RYR1: variants seen among roughly 807,000 people sequenced by gnomAD.
RYR1 encodes the protein ryanodine receptor 1, also known as central core disease of muscle.
RYR1 carries 342 observed loss-of-function variants against 583.5 expected under a neutral mutation model. That is an observed-to-expected ratio of 0.59 (90% CI 0.54 to 0.64). RYR1 has a LOEUF of 0.64. Ranked by LOEUF, RYR1 falls within the 30% of genes least tolerant of loss-of-function variation. The pLI is 0.00. For missense variants in RYR1, 6,032 were observed against 6,917.2 expected (o/e 0.87, Z 4.54); for synonymous variants, 2,791 against 2,822.5 (o/e 0.99, Z 0.35).
At position 38,490,839 on chromosome 19, in the gene RYR1, GTAA is replaced by G. The variant is rs1489044003; in HGVS notation, c.6127+108_6127+110del. 9.4e-6 allele frequency: 7 copies of G among 748,640 alleles called. No homozygotes were observed. The Admixed American group carries it at 1.3e-4, about 14-fold the overall frequency. 46.4% of individuals were successfully genotyped at this position (748,640 alleles called of 1,614,324 possible). ...CAACCCTCTACAGTATCGGTGCTAT[GTAA>G]CTATTGGTTGAATGAATGAATGAGT... is the stretch of plus-strand genomic sequence containing the variant. On this transcript the variant is annotated intron_variant, in intron 37 of 105. Transcript: ENST00000359596.
intron 59 of RYR1, 25 bp downstream of exon 59, chr19:38,510,590 A>G: frequency 3.7e-6 from 6 of 1,614,148 alleles, no homozygotes; most frequent in Non-Finnish European, 5.1e-6. Flanking sequence ...TAGAAGCTGG[A>G]GGGCGCTGGG....
intron 90 of RYR1, among the ~76,000 whole-genome samples, chr19:38,563,329 G>A (rs1444348825): frequency 2.0e-5 from 3 of 152,160 alleles, no homozygotes; most frequent in South Asian, 2.1e-4. Context: ...GCAATGGCAC[G>A]ATCTCAGCTC....
rs1973939340 is a variant in RYR1 at position 38,575,954 on chromosome 19, A to AGCGCAAGGTGAGAGGACATGGAT, written c.14168_14172+18dup. On this transcript the variant is annotated frameshift_variant, in exon 97 of 106. Coordinates refer to ENST00000359596, the MANE Select transcript of RYR1 (RefSeq NM_000540.3). LOFTEE classifies it high-confidence loss of function. ...AGCAACTACTGGGACAAGTTTGTCA[A>AGCGCAAGGTGAGAGGACATGGAT]GCGCAAGGTGAGAGGACATGGATGC... The AGCGCAAGGTGAGAGGACATGGAT allele has an allele frequency of 3.1e-6, 5 of 1,614,048 alleles. No homozygotes were observed. Among genetic ancestry groups the AGCGCAAGGTGAGAGGACATGGAT allele is most frequent in the Admixed American group, 1.7e-5 (1 of 59,990 alleles).
At chr19:38,583,474 T>A (rs1293505387) in intron 101 of RYR1, among the ~76,000 whole-genome samples, 1 of 36,074 alleles carries the variant, frequency 2.8e-5, no homozygotes, top group East Asian at 6.1e-4. Context: ...CAAGACTCTG[T>A]CTCAAAAAAA....
chr19:38,570,764 C>A, intron 94 of RYR1, 71 bp downstream of exon 94: 2 of 1,296,224 alleles, frequency 1.5e-6, no homozygotes, highest in Non-Finnish European at 2.2e-6. Flanking sequence ...CAGCCCCTAT[C>A]AGAATTTCAG....
chr19:38,521,024 C>T (rs907370819), intron 67 of RYR1, among the ~76,000 whole-genome samples: 2 of 152,104 alleles, frequency 1.3e-5, no homozygotes, highest in Admixed American at 1.3e-4. Context: ...ACTGTAATCC[C>T]AGCACTTTGA....
intron 102 of RYR1, among the ~76,000 whole-genome samples, chr19:38,585,519 G>A (rs1331886725): frequency 6.6e-6 from 1 of 150,698 alleles, no homozygotes; most frequent in East Asian, 1.9e-4. Context: ...TGTTGCCCGG[G>A]CCAGAGTTCA....
Position 38,444,652 on chromosome 19 carries a change from C to G in RYR1, c.606C>G (p.Asn202Lys). 2 of 1,613,838 alleles carry G rather than the reference C, an allele frequency of 1.2e-6. No individual in the cohort carries two copies. Among genetic ancestry groups the G allele is most frequent in the Non-Finnish European group, 1.7e-6 (2 of 1,179,836 alleles). ...ASFMQTLWNM[N>K]PICSRCEEGF... ...TCATGCAGACACTATGGAACATGAA[C>G]CCCATCTGCTCCCGCTGCGAAGAGG... is the stretch of plus-strand genomic sequence containing the variant. The change falls in exon 7 of 106, where the codon AAC (asparagine) becomes AAG (lysine). Residue 202 changes from asparagine to lysine, a missense_variant. This residue lies in a region of RYR1 where 338 missense variants were observed against 441.6 expected (regional missense o/e 0.77). Transcript: ENST00000359596. This position sits in a 1 kb window ranked among gnomAD's most constrained non-coding sequence, Gnocchi z 5.1.
At chr19:38,552,464 G>C (rs1296410011) in intron 89 of RYR1, among the ~76,000 whole-genome samples, 1 of 151,882 alleles carries the variant, frequency 6.6e-6, no homozygotes, top group Non-Finnish European at 1.5e-5. Flanking sequence ...TGTTGGCCAA[G>C]GTGGTCTCGA....
intron 69 of RYR1, chr19:38,523,598 AT>A: frequency 1.8e-6 from 1 of 567,350 alleles, no homozygotes; most frequent in Non-Finnish European, 3.1e-6. Flanking sequence ...CCTCCTCTCC[AT>A]TTTCCTCTTC....
At chr19:38,450,855 C>T (rs1042011745) in intron 11 of RYR1, among the ~76,000 whole-genome samples, 3 of 152,292 alleles carry the variant, frequency 2.0e-5, no homozygotes, top group East Asian at 1.9e-4. Flanking sequence ...CCTTTTCTAT[C>T]GGCACATTCC....
chr19:38,453,077 G>T (rs1196560995), intron 13 of RYR1, 63 bp downstream of exon 13: 21 of 1,559,604 alleles, frequency 1.3e-5, no homozygotes, highest in Non-Finnish European at 1.7e-5. Flanking sequence ...ACTGAGGGGC[G>T]GGGCCACGGC....
intron 9 of RYR1, 124 bp from the exon 10 acceptor site, chr19:38,448,231 A>G: frequency 8.8e-7 from 1 of 1,131,064 alleles, no homozygotes; most frequent in Non-Finnish European, 1.3e-6. Flanking sequence ...CTGGAGTTCA[A>G]GATCAGCTTG....
intron 89 of RYR1, among the ~76,000 whole-genome samples, chr19:38,552,834 A>G (rs926045553): frequency 1.3e-5 from 2 of 152,164 alleles, no homozygotes; most frequent in African/African-American, 4.8e-5. Context: ...AGAAGCAAAA[A>G]GCATTTGCAG....
chr19:38,494,253 T>G, intron 38 of RYR1, 99 bp from the exon 39 acceptor site: 2 of 1,458,226 alleles, frequency 1.4e-6, no homozygotes, highest in Non-Finnish European at 9.5e-7. Context: ...TGGGAAAACT[T>G]CTGGAACAGG....
Position 38,496,111 on chromosome 19 carries a change from G to T in RYR1, c.6549-104G>T. The T allele has an allele frequency of 1.1e-6, 1 of 944,162 alleles. No individual in the cohort carries two copies. Among genetic ancestry groups the T allele is most frequent in the Non-Finnish European group, 1.7e-6 (1 of 591,834 alleles). 58.5% of individuals were successfully genotyped at this position (944,162 alleles called of 1,614,324 possible). ...AGATCTGTAAAGGCGGTGGTGCTAG[G>T]CACAGAGTGAGAGGGTCAAGAATGC... On this transcript the variant is annotated intron_variant, in intron 39 of 105. Transcript: ENST00000359596. The surrounding 1 kb of genome is among the most constrained non-coding windows in gnomAD (Gnocchi z 4.8).
rs1234488220 is a variant in RYR1 at position 38,506,516 on chromosome 19, C to A, written c.8662C>A (p.Arg2888=). The change falls in exon 56 of 106, where the codon CGG becomes AGG. Residue 2888 remains arginine, a synonymous_variant. Coordinates refer to ENST00000359596, the MANE Select transcript of RYR1 (RefSeq NM_000540.3). ...LAENYHNTWG[R]KKKQELEAKG... ...AGAAAATTACCACAACACGTGGGGA[C>A]GGAAGAAGAAGCAGGAGCTGGAAGC... 1.2e-6 allele frequency: 2 copies of A among 1,614,042 alleles called. No individual in the cohort carries two copies. Among genetic ancestry groups the A allele is most frequent in the Non-Finnish European group, 8.5e-7 (1 of 1,180,016 alleles).
At chr19:38,526,712 C>G (rs1971481680) in intron 71 of RYR1, among the ~76,000 whole-genome samples, 1 of 152,060 alleles carries the variant, frequency 6.6e-6, no homozygotes, top group Non-Finnish European at 1.5e-5. Flanking sequence ...CATATTTGAC[C>G]TTTGATGAGA....
At chr19:38,486,341 C>T (rs1969296167) in intron 34 of RYR1, 139 bp downstream of exon 34, 2 of 1,121,964 alleles carry the variant, frequency 1.8e-6, no homozygotes, top group Non-Finnish European at 2.6e-6. Context: ...ATCCACCTTT[C>T]TTTTTATTAT....
Sources: gnomAD v4.1 joint callset for allele counts (sites outside exome capture counted in the v4.1 genomes callset) on GRCh38, gnomAD v4.1.1 for gene constraint, gnomAD v4.1.1 regional missense constraint, Gnocchi (gnomAD v3.1) non-coding constraint, MANE v1.5 for transcripts, NCBI Gene and HGNC (gene_info 2026-07-23, HGNC 2026-07-21) for gene names.